SLC14A2: variants seen among roughly 807,000 people sequenced by gnomAD.
The protein encoded by SLC14A2 is urea transporter 2.
A neutral mutation model predicts 104.6 loss-of-function variants in SLC14A2; 91 were observed. The ratio of observed to expected loss-of-function variants is 0.87; its 90% CI spans 0.73 to 1.04. SLC14A2 has a LOEUF of 1.04. Ranked by LOEUF, SLC14A2 falls within the 50% of genes least tolerant of loss-of-function variation. The pLI is 0.00. For synonymous variants in SLC14A2, 476 were observed against 466.4 expected, an observed-to-expected ratio of 1.02 and a Z score of -0.27; for missense variants, 1,189 against 1,156.0, an observed-to-expected ratio of 1.03 and a Z score of -0.41.
chr18:45,457,895 C>T (rs1375228421), intron 1 of SLC14A2, among the ~76,000 whole-genome samples: 3 of 152,126 alleles, frequency 2.0e-5, no homozygotes, highest in African/African-American at 7.2e-5. Flanking sequence ...GGAGAAGAAG[C>T]ATCCTGGAGT....
chr18:45,431,139 T>G (rs1008544105), intron 1 of SLC14A2, among the ~76,000 whole-genome samples: 1 of 152,226 alleles, frequency 6.6e-6, no homozygotes, highest in Admixed American at 6.5e-5. Flanking sequence ...TTAATGCTGA[T>G]TAGGTAGAGG....
intron 1 of SLC14A2, among the ~76,000 whole-genome samples, chr18:45,469,232 G>A (rs901332645): frequency 2.6e-5 from 4 of 152,150 alleles, no homozygotes; most frequent in Non-Finnish European, 5.9e-5. Flanking sequence ...GGTAATAATG[G>A]ACAATTATTT....
rs13381323 is a variant in SLC14A2, at chr18:45,451,441, C to T, written c.-124-31792C>T. ...ACAAATTCAAAGGAAGGAAAAATAA[C>T]TATCTGATCCTTGGGAGAGTTCCAT... On this transcript the variant is annotated intron_variant, in intron 1 of 20. Transcript: ENST00000586448. Among the ~76,000 whole-genome samples the T allele has an allele frequency of 3.1e-3, 475 of 151,652 alleles. 2 individuals carry two copies. Among genetic ancestry groups the T allele is most frequent in the African/African-American group, 0.011 (456 of 41,022 alleles).
At chr18:45,540,341 A>AC (rs2043867180) in intron 2 of SLC14A2, among the ~76,000 whole-genome samples, 2 of 151,338 alleles carry the variant, frequency 1.3e-5, no homozygotes, top group African/African-American at 2.4e-5. Flanking sequence ...CCACATTCCC[A>AC]CCCCCAGTGC....
At chr18:45,563,297 CA>C (rs1182884318) in intron 2 of SLC14A2, among the ~76,000 whole-genome samples, 1 of 152,194 alleles carries the variant, frequency 6.6e-6, no homozygotes, top group Non-Finnish European at 1.5e-5. Context: ...AGCCACAGGC[CA>C]AAGAGTGCTG....
At chr18:45,668,690 T>C (rs773328954) in intron 15 of SLC14A2, among the ~76,000 whole-genome samples, 4 of 152,244 alleles carry the variant, frequency 2.6e-5, no homozygotes, top group African/African-American at 9.6e-5. Context: ...CCCTTTATTA[T>C]TCTTTTAAGA....
intron 1 of SLC14A2, among the ~76,000 whole-genome samples, chr18:45,394,595 A>G (rs2086008288): frequency 6.6e-6 from 1 of 152,138 alleles, no homozygotes. Flanking sequence ...CGTTTCCCTG[A>G]TGATTAGTGA....
intron 2 of SLC14A2, among the ~76,000 whole-genome samples, chr18:45,610,439 G>T (rs2044953632): frequency 6.6e-6 from 1 of 152,128 alleles, no homozygotes; most frequent in African/African-American, 2.4e-5. Context: ...AGAATCTCTG[G>T]GGAAGGGACC....
chr18:45,461,987 G>GT (rs769861695), intron 1 of SLC14A2, among the ~76,000 whole-genome samples: 1 of 152,130 alleles, frequency 6.6e-6, no homozygotes, highest in Non-Finnish European at 1.5e-5. Flanking sequence ...AGCAGAAAGC[G>GT]TAAGAAACAA....
chr18:45,378,002 A>G (rs796382002), intron 1 of SLC14A2, among the ~76,000 whole-genome samples: 4 of 152,288 alleles, frequency 2.6e-5, no homozygotes, highest in African/African-American at 9.6e-5. Flanking sequence ...AACAATCACC[A>G]TAAAAAAATG....
intron 1 of SLC14A2, among the ~76,000 whole-genome samples, chr18:45,351,108 C>T (rs2085499150): frequency 6.6e-6 from 1 of 152,094 alleles, no homozygotes; most frequent in Non-Finnish European, 1.5e-5. Flanking sequence ...AGTTCCTGTG[C>T]TTTCTGATGA....
At chr18:45,605,867 A>C (rs115702309) in intron 2 of SLC14A2, among the ~76,000 whole-genome samples, 2,389 of 152,300 alleles carry the variant, frequency 0.016, 60 homozygotes, top group African/African-American at 0.054. Flanking sequence ...GTGATGAAGG[A>C]AGGCTACAGG....
At chr18:45,298,193 A>G (rs2084935022) in intron 1 of SLC14A2, among the ~76,000 whole-genome samples, 2 of 152,328 alleles carry the variant, frequency 1.3e-5, no homozygotes, top group Admixed American at 6.5e-5. Context: ...AGGAGAGATC[A>G]TTTAAGATTT....
chr18:45,184,500 G>A, the SLC14A2 span, among the ~76,000 whole-genome samples: 458 of 152,234 alleles, frequency 3.0e-3, 2 homozygotes, highest in African/African-American at 0.01. Context: ...ATTTAGAATG[G>A]GGATAAAGTT....
At chr18:45,602,784 A>G (rs1052766388) in intron 2 of SLC14A2, among the ~76,000 whole-genome samples, 2 of 152,350 alleles carry the variant, frequency 1.3e-5, no homozygotes, top group East Asian at 3.9e-4. Flanking sequence ...CTTTCTTCAA[A>G]GCAAACACTC....
intron 1 of SLC14A2, among the ~76,000 whole-genome samples, chr18:45,232,770 G>C (rs567029008): frequency 6.6e-6 from 1 of 152,322 alleles, no homozygotes; most frequent in Non-Finnish European, 1.5e-5. Context: ...TGTGTAGCCA[G>C]CTCAAGGCTG....
At chr18:45,376,488 G>T (rs969230411) in intron 1 of SLC14A2, among the ~76,000 whole-genome samples, 3 of 152,100 alleles carry the variant, frequency 2.0e-5, no homozygotes, top group Admixed American at 6.6e-5. Context: ...TCTGCTAAGG[G>T]TTACTGAGAA....
chr18:45,356,009 AG>A (rs1454231467), intron 1 of SLC14A2, among the ~76,000 whole-genome samples: 4 of 152,212 alleles, frequency 2.6e-5, no homozygotes, highest in Non-Finnish European at 5.9e-5. Context: ...GGAACAGTCC[AG>A]GACTGCTGAG....
chr18:45,243,930 G>C (rs1403554114), intron 1 of SLC14A2, among the ~76,000 whole-genome samples: 1 of 152,200 alleles, frequency 6.6e-6, no homozygotes, highest in Non-Finnish European at 1.5e-5. Flanking sequence ...TACCCAATCT[G>C]ATTGGCACAA....
Sources: gnomAD v4.1 joint callset for allele counts (sites outside exome capture counted in the v4.1 genomes callset) on GRCh38, gnomAD v4.1.1 for gene constraint, MANE v1.5 for transcripts, NCBI Gene and HGNC (gene_info 2026-07-23, HGNC 2026-07-21) for gene names.